NFE2L2: variants seen among roughly 807,000 people sequenced by gnomAD.
NFE2L2 encodes the protein NFE2 like bZIP transcription factor 2.
Under a neutral mutation model 49.6 loss-of-function variants are expected in NFE2L2, and 20 were observed. That is an observed-to-expected ratio of 0.40 (90% confidence interval 0.28 to 0.59). The LOEUF (loss-of-function observed/expected upper bound fraction) is 0.59. Ranked by LOEUF, NFE2L2 falls within the 20% of genes least tolerant of loss-of-function variation. The pLI is 0.40. For synonymous variants in NFE2L2, 244 were observed against 256.5 expected (o/e 0.95, Z 0.47); for missense variants, 578 against 714.2 (o/e 0.81, Z 2.17).
chr2:177,262,707 T>C (rs1313946566), intron 1 of NFE2L2, among the ~76,000 whole-genome samples: 1 of 152,142 alleles, frequency 6.6e-6, no homozygotes, highest in Non-Finnish European at 1.5e-5. Context: ...ATAAGGAATG[T>C]TATATTACAC....
rs1287389394 is a variant in NFE2L2 at position 177,234,019 on chromosome 2, C to T, written c.298G>A (p.Ala100Thr). ...QHIQSETSGS[A>T]NYSQVAHIPK... is the part of the protein sequence containing the mutation. ...GTACTCTGTACCTGGGAGTAGTTGGCAGATCCACTGGTTTCTGACTGGATG... is the reference window on the plus strand; with the variant it reads ...GTACTCTGTACCTGGGAGTAGTTGGTAGATCCACTGGTTTCTGACTGGATG... The change falls in exon 2 of 5, where the codon GCC becomes ACC. Residue 100 changes from alanine (A) to threonine (T), a missense_variant. Ala to Thr is a moderately conservative substitution (Grantham distance 58). Around this residue, in one of 3 missense-constraint regions of NFE2L2, gnomAD observed 93 missense variants for 153.9 expected, o/e 0.60. Transcript: ENST00000397062. 6.2e-7 allele frequency: 1 copy of T among 1,614,166 alleles called. No homozygotes were observed. Among genetic ancestry groups the T allele is most frequent in the Non-Finnish European group, 8.5e-7 (1 of 1,180,030 alleles).
chr2:177,232,326 T>C (rs1689583287), intron 4 of NFE2L2, 66 bp downstream of exon 4: 1 of 1,415,784 alleles, frequency 7.1e-7, no homozygotes, highest in Admixed American at 2.2e-5. Context: ...GGTATATAAA[T>C]AATCAGAATG....
chr2:177,259,622 G>A (rs1467135236), intron 1 of NFE2L2, among the ~76,000 whole-genome samples: 1 of 151,392 alleles, frequency 6.6e-6, no homozygotes, highest in African/African-American at 2.4e-5. Context: ...TCATGTCTAG[G>A]GTATAGTCTG....
chr2:177,261,483 G>A (rs896875961), intron 1 of NFE2L2, among the ~76,000 whole-genome samples: 1 of 152,202 alleles, frequency 6.6e-6, no homozygotes, highest in African/African-American at 2.4e-5. Context: ...TTTTGGTACA[G>A]TCTGGAAGTG....
Position 177,232,570 on chromosome 2 carries a change from G to A in NFE2L2, c.416C>T (p.Thr139Met), listed in dbSNP as rs376926526. The A allele has an allele frequency of 3.7e-6, 6 of 1,613,774 alleles. No individual in the cohort carries two copies. The highest frequency in any genetic ancestry group is 1.1e-5 in the South Asian group (1 of 91,070). The change falls in exon 4 of 5, where the codon ACG becomes ATG. Residue 139 changes from threonine (T) to methionine (M), a missense_variant. Thr to Met is a moderately conservative substitution (Grantham distance 81). Transcript: ENST00000397062. ...FVDDNEVSSA[T>M]FQSLVPDIPG... is the part of the protein sequence containing the mutation. ...AATATCAGGAACAAGTGACTGAAACGTAGCCGAAGAAACCTAAAATTGATA... is the reference window on the plus strand; with the variant it reads ...AATATCAGGAACAAGTGACTGAAACATAGCCGAAGAAACCTAAAATTGATA...
chr2:177,244,690 G>A (rs140376711), intron 1 of NFE2L2, among the ~76,000 whole-genome samples: 1 of 152,290 alleles, frequency 6.6e-6, no homozygotes, highest in East Asian at 1.9e-4. Context: ...GGAGGCTATG[G>A]AGATGGCAAG....
At chr2:177,247,620 C>T (rs1690178309) in intron 1 of NFE2L2, among the ~76,000 whole-genome samples, 1 of 147,746 alleles carries the variant, frequency 6.8e-6, no homozygotes, top group African/African-American at 2.5e-5. Flanking sequence ...AAGATCGCTC[C>T]AAGCCGAGAT....
intron 1 of NFE2L2, among the ~76,000 whole-genome samples, chr2:177,243,824 C>T (rs77941510): frequency 0.031 from 4,731 of 152,158 alleles, 254 homozygotes; most frequent in African/African-American, 0.1. Context: ...ATGTAACTAC[C>T]TACAAATAGC....
chr2:177,234,293 GAAGGAGA>G (rs752650126), intron 1 of NFE2L2, 22 bp from the exon 2 acceptor site: 1 of 1,580,628 alleles, frequency 6.3e-7, no homozygotes, highest in South Asian at 1.2e-5. Flanking sequence ...ACAAAAAAAG[GAAGGAGA>G]GAGCTCATGT....
intron 1 of NFE2L2, among the ~76,000 whole-genome samples, chr2:177,249,600 C>A (rs1345450178): frequency 6.6e-6 from 1 of 152,066 alleles, no homozygotes; most frequent in Non-Finnish European, 1.5e-5. Context: ...TTTTTAGTAG[C>A]CTAGCCTCAC....
intron 1 of NFE2L2, among the ~76,000 whole-genome samples, chr2:177,237,364 C>G (rs1362969743): frequency 6.6e-6 from 1 of 152,110 alleles, no homozygotes; most frequent in Non-Finnish European, 1.5e-5. Context: ...AGCATTCAGT[C>G]GACTATACAT....
At chr2:177,238,613 C>T (rs1006513637) in intron 1 of NFE2L2, among the ~76,000 whole-genome samples, 2 of 152,242 alleles carry the variant, frequency 1.3e-5, no homozygotes, top group Admixed American at 6.5e-5. Context: ...GCTGTATAAG[C>T]GAGACCAAAG....
At chr2:177,256,198 T>A (rs773254160) in intron 1 of NFE2L2, among the ~76,000 whole-genome samples, 2 of 152,082 alleles carry the variant, frequency 1.3e-5, no homozygotes, top group Non-Finnish European at 1.5e-5. Flanking sequence ...AATTCCATCA[T>A]GCATCATACC....
intron 1 of NFE2L2, among the ~76,000 whole-genome samples, chr2:177,239,388 T>G (rs938584710): frequency 6.6e-6 from 1 of 152,158 alleles, no homozygotes; most frequent in Non-Finnish European, 1.5e-5. Context: ...TAAGTTTATA[T>G]TTATGTGGCC....
At chr2:177,236,795 T>C (rs1689765997) in intron 1 of NFE2L2, among the ~76,000 whole-genome samples, 2 of 152,238 alleles carry the variant, frequency 1.3e-5, no homozygotes, top group Non-Finnish European at 2.9e-5. Context: ...TAAATAGTTG[T>C]TATACTGTAT....
chr2:177,252,406 G>A (rs1690374125), intron 1 of NFE2L2, among the ~76,000 whole-genome samples: 1 of 152,156 alleles, frequency 6.6e-6, no homozygotes, highest in African/African-American at 2.4e-5. Context: ...CACAGGAAAA[G>A]CTCATAGGAG....
chr2:177,257,236 G>A (rs1040909357), intron 1 of NFE2L2, among the ~76,000 whole-genome samples: 3 of 152,186 alleles, frequency 2.0e-5, no homozygotes, highest in African/African-American at 7.2e-5. Flanking sequence ...TGGCCTCCAG[G>A]ATGTTCAACA....
At chr2:177,254,315 G>T (rs373071873) in intron 1 of NFE2L2, among the ~76,000 whole-genome samples, 2 of 152,258 alleles carry the variant, frequency 1.3e-5, no homozygotes, top group South Asian at 4.1e-4. Flanking sequence ...TATATTCGAT[G>T]ACCTCTGTCC....
chr2:177,245,083 A>G (rs997957716), intron 1 of NFE2L2, among the ~76,000 whole-genome samples: 7 of 151,238 alleles, frequency 4.6e-5, no homozygotes, highest in African/African-American at 1.7e-4. Context: ...GGTGGTGGCA[A>G]TGTTTTCCCT....
Sources: gnomAD v4.1 joint callset for allele counts (sites outside exome capture counted in the v4.1 genomes callset) on GRCh38, gnomAD v4.1.1 for gene constraint, gnomAD v4.1.1 regional missense constraint, MANE v1.5 for transcripts, NCBI Gene and HGNC (gene_info 2026-07-23, HGNC 2026-07-21) for gene names.